Variants in SLC37A1 observed in about 807,000 individuals in gnomAD.
SLC37A1 encodes solute carrier family 37 member 1, also known as glucose-6-phosphate exchanger SLC37A1.
Under a neutral mutation model 75.3 loss-of-function variants are expected in SLC37A1, and 49 were observed. The observed-to-expected ratio is 0.65, with a 90% CI of 0.52 to 0.83. SLC37A1 has a LOEUF of 0.83. Among genes scored for constraint, SLC37A1 ranks in the 40% least tolerant of loss-of-function variants. The pLI, the probability that SLC37A1 is intolerant of heterozygous loss-of-function variation, is 0.00. For synonymous variants in SLC37A1, 268 were observed against 292.1 expected (o/e 0.92, Z 0.84); for missense variants, 566 against 695.0 (o/e 0.81, Z 2.09).
At chr21:42,532,069 G>C (rs1246867654) in intron 3 of SLC37A1, among the ~76,000 whole-genome samples, 1 of 152,126 alleles carries the variant, frequency 6.6e-6, no homozygotes, top group Admixed American at 6.5e-5. Context: ...CTCCATAACT[G>C]ATGGCCAGGG....
rs1325561729 is a variant in SLC37A1, at chr21:42,557,479, C to T, written c.850-1479C>T. ...TCACGTGCCGTGATGGGATTATCAT[C>T]GGGAGCATGTTAGGCATCTGCACTC... On this transcript the variant is annotated intron_variant, in intron 10 of 19. Transcript: ENST00000352133. Among the ~76,000 whole-genome samples, 6 of 152,286 alleles carry T rather than the reference C, an allele frequency of 3.9e-5. 1 individual carries two copies. Among genetic ancestry groups the T allele is most frequent in the East Asian group, 1.9e-4 (1 of 5,204 alleles).
chr21:42,527,075 G>A (rs1217845084), intron 3 of SLC37A1, among the ~76,000 whole-genome samples: 1 of 152,046 alleles, frequency 6.6e-6, no homozygotes, highest in African/African-American at 2.4e-5. Flanking sequence ...TGGTGTAGTT[G>A]GGGAGCTTGT....
At position 42,565,965 on chromosome 21, in the gene SLC37A1, A is replaced by G; in HGVS notation, c.1270+90A>G. ...ATGAAATACTAAAATCAACAGGCGC[A>G]TTGAGCTGGTTTAACTGGAGCACAT... On this transcript the variant is annotated intron_variant, in intron 15 of 19. Coordinates refer to ENST00000352133, the MANE Select transcript of SLC37A1 (RefSeq NM_001320537.2). The G allele has an allele frequency of 4.4e-6, 6 of 1,362,296 alleles. No homozygotes were observed. In the South Asian group the frequency reaches 6.1e-5, roughly 14 times the overall value. 84.4% of individuals were successfully genotyped at this position (1,362,296 alleles called of 1,614,324 possible). A position where few individuals can be genotyped will look rare whatever the true frequency, so the allele number is the denominator to read the frequency against.
intron 4 of SLC37A1, 92 bp from the exon 5 acceptor site, chr21:42,535,380 T>A: frequency 9.0e-7 from 1 of 1,116,432 alleles, no homozygotes; most frequent in Admixed American, 1.9e-5. Context: ...CACCCCGATT[T>A]CGGGAACAGA....
chr21:42,533,472 C>G (rs1353913356), intron 3 of SLC37A1, among the ~76,000 whole-genome samples: 1 of 152,182 alleles, frequency 6.6e-6, no homozygotes, highest in East Asian at 1.9e-4. Flanking sequence ...CCTCAGTTTC[C>G]CCCGCAACAA....
chr21:42,506,095 T>C (rs1481931191), intron 2 of SLC37A1, among the ~76,000 whole-genome samples: 1 of 152,230 alleles, frequency 6.6e-6, no homozygotes, highest in African/African-American at 2.4e-5. Context: ...ACATGAGTAC[T>C]GGCATCGCAG....
chr21:42,554,136 G>A lies in SLC37A1; in HGVS notation c.843G>A (p.Lys281=). Residue 281 remains lysine, a synonymous_variant, in exon 10 of 20, where the codon AAG becomes AAA. Transcript: ENST00000352133. ...AAATCTTGAAGAGCGAAAAGAACAA[G>A]CCTCTGGTAAGTCACACACAACTTC... ...QKQILKSEKN[K]PLDPEMQCLL... is the part of the protein sequence containing the mutation. The A allele has an allele frequency of 6.2e-7, 1 of 1,613,364 alleles. No individual in the cohort carries two copies. Among genetic ancestry groups the A allele is most frequent in the Non-Finnish European group, 8.5e-7 (1 of 1,179,726 alleles).
rs114404421 is a variant in SLC37A1, at chr21:42,541,111, G to C, written c.487-1293G>C. On this transcript the variant is annotated intron_variant, in intron 6 of 19. Coordinates refer to ENST00000352133, the MANE Select transcript of SLC37A1 (RefSeq NM_001320537.2). The stretch of plus-strand genomic sequence containing the variant: ...GAAACTGTTCCCCCTCAGGTCATCA[G>C]GCATTCGATTCTCATAAGGAGCGCA... Among the ~76,000 whole-genome samples, 1,036 of 152,284 alleles carry C rather than the reference G, an allele frequency of 6.8e-3. 7 individuals carry two copies. Among genetic ancestry groups the C allele is most frequent in the African/African-American group, 0.024 (999 of 41,530 alleles).
At chr21:42,502,819 A>G (rs954813987) in intron 2 of SLC37A1, 2 of 152,226 alleles carry the variant, frequency 1.3e-5, no homozygotes, top group South Asian at 2.1e-4. Flanking sequence ...AGCACCTCCC[A>G]AGGCCTCCAC....
chr21:42,535,950 C>T (rs562580319), intron 5 of SLC37A1, among the ~76,000 whole-genome samples: 74 of 152,352 alleles, frequency 4.9e-4, no homozygotes, highest in African/African-American at 1.8e-3. Flanking sequence ...TTTATATGCC[C>T]CAAATAACGA....
At chr21:42,549,070 T>C (rs922661052) in intron 9 of SLC37A1, among the ~76,000 whole-genome samples, 1 of 152,246 alleles carries the variant, frequency 6.6e-6, no homozygotes, top group Non-Finnish European at 1.5e-5. Flanking sequence ...TAAAAAGCCG[T>C]GTTCCTGCCC....
At chr21:42,516,353 C>T (rs1003165187) in intron 1 of SLC37A1, among the ~76,000 whole-genome samples, 3 of 152,146 alleles carry the variant, frequency 2.0e-5, no homozygotes, top group South Asian at 2.1e-4. Context: ...CCAGGCGAGC[C>T]GCCTAGCCTC....
At chr21:42,509,571 G>GTTATA (rs2054416488), upstream of SLC37A1, 1 of 152,208 alleles carries the variant, frequency 6.6e-6, no homozygotes, top group South Asian at 2.1e-4. This position sits in a 1 kb window ranked among gnomAD's most constrained non-coding sequence, Gnocchi z 4.2. Context: ...TTGCTGGATT[G>GTTATA]GGTTATAGTT....
rs527351298 is a variant in SLC37A1, at chr21:42,529,292, G to A, written c.138+3435G>A. Among the ~76,000 whole-genome samples the A allele has an allele frequency of 5.3e-5, 8 of 152,050 alleles. No homozygotes were observed. The East Asian group carries it at 9.7e-4, about 18-fold the overall frequency. On this transcript the variant is annotated intron_variant, in intron 3 of 19. Transcript: ENST00000352133. ...CCTATTTTATAAAAACAAATGGCCC[G>A]GGCACTGTGGCTCACACCTGTAATC...
intron 6 of SLC37A1, among the ~76,000 whole-genome samples, chr21:42,540,385 A>G (rs1017197625): frequency 6.6e-6 from 1 of 152,150 alleles, no homozygotes; most frequent in African/African-American, 2.4e-5. Flanking sequence ...CAAGCCTACA[A>G]AGGAAAACCT....
intron 9 of SLC37A1, 27 bp from the exon 10 acceptor site, chr21:42,554,035 C>T: frequency 6.3e-7 from 1 of 1,586,818 alleles, no homozygotes; most frequent in South Asian, 1.1e-5. Flanking sequence ...ATCAGTATCG[C>T]TCTAATGAAA....
rs746029309 is a variant in SLC37A1, at chr21:42,559,038, C to T, written c.930C>T (p.Asp310=). 1.0e-4 allele frequency: 163 copies of T among 1,613,598 alleles called. 1 individual carries two copies. The highest frequency in any genetic ancestry group is 1.2e-4 in the Non-Finnish European group (146 of 1,179,872). ...HPNHVVILPG[D]GGSGTAAISF... ...ACCACGTCGTCATTCTCCCCGGGGA[C>T]GGTGGGAGTGGCACGGCCGCCATCA... The change falls in exon 11 of 20, where the codon GAC becomes GAT. Residue 310 remains aspartate (D), a synonymous_variant. Coordinates refer to ENST00000352133, the MANE Select transcript of SLC37A1 (RefSeq NM_001320537.2).
intron 18 of SLC37A1, among the ~76,000 whole-genome samples, 153 bp from the exon 19 acceptor site, chr21:42,579,583 C>G (rs576322820): frequency 6.6e-6 from 1 of 152,270 alleles, no homozygotes; most frequent in Admixed American, 6.5e-5. Context: ...ATGCAAGCCC[C>G]GCTGCTCTTG....
intron 18 of SLC37A1, among the ~76,000 whole-genome samples, chr21:42,578,528 C>T (rs1314512402): frequency 6.6e-6 from 1 of 152,176 alleles, no homozygotes; most frequent in Non-Finnish European, 1.5e-5. Context: ...GGTAAGGTAC[C>T]AGCTCAAACA....
Sources: gnomAD v4.1 joint callset for allele counts (sites outside exome capture counted in the v4.1 genomes callset) on GRCh38, gnomAD v4.1.1 for gene constraint, Gnocchi (gnomAD v3.1) non-coding constraint, MANE v1.5 for transcripts, NCBI Gene and HGNC (gene_info 2026-07-23, HGNC 2026-07-21) for gene names.